Variants in SIPA1L1 observed in about 807,000 individuals in gnomAD.
SIPA1L1 encodes signal induced proliferation associated 1 like 1, also known as signal-induced proliferation-associated 1-like protein 1.
SIPA1L1 carries 26 observed loss-of-function variants against 162.7 expected under a neutral mutation model. The ratio of observed to expected loss-of-function variants is 0.16; its 90% CI spans 0.12 to 0.22. The LOEUF (loss-of-function observed/expected upper bound fraction) is 0.22, where lower values mean the gene tolerates loss of function less well. Among genes scored for constraint, SIPA1L1 ranks in the 10% least tolerant of loss-of-function variants. SIPA1L1 has a pLI of 1.00. For missense variants in SIPA1L1, 1,874 were observed against 2,241.0 expected, an observed-to-expected ratio of 0.84 and a Z score of 3.31; for synonymous variants, 829 against 837.4, an observed-to-expected ratio of 0.99 and a Z score of 0.17.
chr14:71,590,516 G>A (rs1283986428), intron 5 of SIPA1L1, among the ~76,000 whole-genome samples: 1 of 152,064 alleles, frequency 6.6e-6, no homozygotes, highest in Non-Finnish European at 1.5e-5. Flanking sequence ...TATAACAATT[G>A]CTTTAGAATA....
At chr14:71,519,060 G>A (rs1450395636) in intron 3 of SIPA1L1, among the ~76,000 whole-genome samples, 1 of 152,102 alleles carries the variant, frequency 6.6e-6, no homozygotes, top group Non-Finnish European at 1.5e-5. Context: ...ACAACACGTG[G>A]AATTCTGGGA....
At chr14:71,402,183 AAAT>A (rs2140056045) in intron 2 of SIPA1L1, among the ~76,000 whole-genome samples, 1 of 152,266 alleles carries the variant, frequency 6.6e-6, no homozygotes, top group Admixed American at 6.5e-5. Context: ...GAATTAGATG[AAAT>A]AATGAGTCTC....
chr14:71,585,183 G>GAA (rs1172786629), intron 4 of SIPA1L1, among the ~76,000 whole-genome samples: 1 of 140,192 alleles, frequency 7.1e-6, no homozygotes, highest in Non-Finnish European at 1.6e-5. Flanking sequence ...ATGAGAGGGA[G>GAA]AAAAAAAAAA....
At chr14:71,321,805 T>C (rs2140126113) in intron 2 of SIPA1L1, 1 of 152,324 alleles carries the variant, frequency 6.6e-6, no homozygotes, top group East Asian at 1.9e-4. Context: ...TCCGAGGCTC[T>C]TAAATCGCTC....
chr14:71,667,704 T>C (rs1384750894), intron 10 of SIPA1L1, among the ~76,000 whole-genome samples: 1 of 152,202 alleles, frequency 6.6e-6, no homozygotes, highest in East Asian at 1.9e-4. Flanking sequence ...TATTGCTGTT[T>C]TTCCATTGTG....
rs183479577 is a variant in SIPA1L1 at position 71,481,782 on chromosome 14, C to T, written c.-464-30961C>T. Among the ~76,000 whole-genome samples, 5 of 152,178 alleles carry T rather than the reference C, an allele frequency of 3.3e-5. No homozygotes were observed. The South Asian group carries it at 8.3e-4, about 25-fold the overall frequency. On this transcript the variant is annotated intron_variant, in intron 2 of 23. Transcript: ENST00000381232. ...TCATAAATCTCTTGAAATCCACCCC[C>T]GGAGGCCATGTTAATGGAGTCACAG...
chr14:71,568,449 A>AG (rs888576244), intron 4 of SIPA1L1, among the ~76,000 whole-genome samples: 1 of 152,176 alleles, frequency 6.6e-6, no homozygotes, highest in Non-Finnish European at 1.5e-5. Context: ...TTCTGACAAA[A>AG]GGTGGTATCC....
intron 12 of SIPA1L1, among the ~76,000 whole-genome samples, chr14:71,678,400 A>G (rs1388253211): frequency 6.6e-6 from 1 of 152,172 alleles, no homozygotes; most frequent in Non-Finnish European, 1.5e-5. Flanking sequence ...TGAGATAATC[A>G]TGTGGTTTTT....
chr14:71,477,344 A>G (rs964404424), intron 2 of SIPA1L1, among the ~76,000 whole-genome samples: 6 of 152,068 alleles, frequency 3.9e-5, no homozygotes, highest in Non-Finnish European at 5.9e-5. Context: ...CCATCTCCAT[A>G]GTTTTCTCTC....
intron 4 of SIPA1L1, among the ~76,000 whole-genome samples, chr14:71,530,176 G>A (rs1372735911): frequency 2.0e-5 from 3 of 152,180 alleles, no homozygotes; most frequent in Admixed American, 6.5e-5. Context: ...TCTCCCTGGG[G>A]AAATGTAGGA....
intron 14 of SIPA1L1, among the ~76,000 whole-genome samples, chr14:71,701,783 T>C (rs1026515117): frequency 1.3e-5 from 2 of 152,200 alleles, no homozygotes. Context: ...TTTTTGCCAG[T>C]TTACCTGCTT....
At chr14:71,355,542 A>G (rs1192022503) in intron 2 of SIPA1L1, among the ~76,000 whole-genome samples, 1 of 152,198 alleles carries the variant, frequency 6.6e-6, no homozygotes, top group African/African-American at 2.4e-5. Flanking sequence ...GTGCTACCTA[A>G]CACTGCAGGA....
intron 2 of SIPA1L1, among the ~76,000 whole-genome samples, chr14:71,437,043 C>T (rs189127743): frequency 1.4e-3 from 210 of 152,152 alleles, no homozygotes; most frequent in Non-Finnish European, 2.5e-3. Context: ...GGATTACAGG[C>T]ATGAGCTGCT....
At position 71,613,574 on chromosome 14, in the gene SIPA1L1, A is replaced by G. The variant is rs370341494; in HGVS notation, c.1499-5183A>G. ...TTTATCCACTCTACTTGAGTTTCCA[A>G]TTCCTCTTCCCTTCCCCTGACTTTT... On this transcript the variant is annotated intron_variant, in intron 5 of 23. Coordinates refer to ENST00000381232, the MANE Select transcript of SIPA1L1 (RefSeq NM_001386936.1). Among the ~76,000 whole-genome samples the G allele has an allele frequency of 1.1e-4, 17 of 152,078 alleles. No homozygotes were observed. The East Asian group carries it at 1.4e-3, about 12-fold the overall frequency.
rs2085714280 is a variant in SIPA1L1, at chr14:71,741,121, T to A, written c.*1960T>A. The A allele has an allele frequency of 1.3e-5, 2 of 152,226 alleles. No homozygotes were observed. The highest frequency in any genetic ancestry group is 4.8e-5 in the African/African-American group (2 of 41,462). The allele number at this position is 152,226 out of a possible 1,614,324, so 9.4% of individuals were successfully genotyped here. A position where few individuals can be genotyped will look rare whatever the true frequency, so the allele number is the denominator to read the frequency against. On this transcript the variant is annotated 3_prime_UTR_variant, in exon 24 of 24. Transcript: ENST00000381232. ...CTCATTGACCCTCCTTGCATCCGAA[T>A]TTTTTCATCAAGCTTTGTTAACACT...
intron 7 of SIPA1L1, among the ~76,000 whole-genome samples, chr14:71,634,358 C>T (rs774117060): frequency 2.2e-4 from 33 of 148,102 alleles, no homozygotes; most frequent in Non-Finnish European, 3.4e-4. Flanking sequence ...GCCAAGATCA[C>T]GCCACTGCAC....
intron 5 of SIPA1L1, 31 bp downstream of exon 5, chr14:71,589,401 T>G: frequency 1.4e-5 from 20 of 1,415,476 alleles, no homozygotes; most frequent in Non-Finnish European, 1.9e-5. Context: ...TCTTACATTT[T>G]CTTTTGCAGT....
chr14:71,359,872 A>T (rs1331656949), intron 2 of SIPA1L1, among the ~76,000 whole-genome samples: 3 of 152,204 alleles, frequency 2.0e-5, no homozygotes, highest in Admixed American at 2.0e-4. Flanking sequence ...GTACTAAATG[A>T]TAAAAATGCA....
At position 71,335,451 on chromosome 14, in the gene SIPA1L1, G is replaced by A. The variant is rs191710466; in HGVS notation, c.-465+14270G>A. 2.1e-3 allele frequency among the ~76,000 whole-genome samples: 324 copies of A among 152,344 alleles called. 1 individual carries two copies. The highest frequency in any genetic ancestry group is 3.0e-3 in the Non-Finnish European group (202 of 68,038). ...AGGTTCCACTGGGCATCAGCAGTGT[G>A]CGCCCATTGCAGGTCCTCTGATTTA... On this transcript the variant is annotated intron_variant, in intron 2 of 23. Coordinates refer to ENST00000381232, the MANE Select transcript of SIPA1L1 (RefSeq NM_001386936.1).
Sources: allele counts gnomAD v4.1 joint callset (sites outside exome capture counted in the v4.1 genomes callset), GRCh38; gene constraint gnomAD v4.1.1; transcripts MANE v1.5; gene names NCBI Gene and HGNC (gene_info 2026-07-23, HGNC 2026-07-21).